GOSR2: variants seen among roughly 807,000 people sequenced by gnomAD.
The protein encoded by GOSR2 is golgi SNAP receptor complex member 2, also known as 27 kDa Golgi SNARE protein.
In GOSR2, 20 loss-of-function variants were observed where a neutral mutation model predicts 27.9. The observed-to-expected ratio is 0.72, with a 90% confidence interval of 0.50 to 1.04. GOSR2 has a LOEUF of 1.04. Ranked by LOEUF, GOSR2 falls within the 50% of genes least tolerant of loss-of-function variation. GOSR2 has a pLI of 0.00. For missense variants in GOSR2, 261 were observed against 270.5 expected, an observed-to-expected ratio of 0.97 and a Z score of 0.25; for synonymous variants, 91 against 98.8, an observed-to-expected ratio of 0.92 and a Z score of 0.47.
chr17:46,946,577 G>T (rs547530618), downstream of GOSR2, among the ~76,000 whole-genome samples: 1 of 151,036 alleles, frequency 6.6e-6, no homozygotes, highest in African/African-American at 2.4e-5. Context: ...TAATAATTAT[G>T]AGAGGCCAGG....
At chr17:46,947,874 C>T (rs2003538) in intron 6 of GOSR2, among the ~76,000 whole-genome samples, 72,096 of 152,028 alleles carry the variant, frequency 0.47, 17,188 homozygotes, top group Middle Eastern at 0.56. Context: ...GTTCAAGCGA[C>T]TCTCCTGCCT....
chr17:46,973,586 C>T (rs573753909), intron 6 of GOSR2, among the ~76,000 whole-genome samples: 1 of 152,282 alleles, frequency 6.6e-6, no homozygotes, highest in South Asian at 2.1e-4. Context: ...ACTATGACTG[C>T]AAGGGTGAGC....
At chr17:46,943,495 A>G (rs2089536224), downstream of GOSR2, among the ~76,000 whole-genome samples, 3 of 152,110 alleles carry the variant, frequency 2.0e-5, no homozygotes, top group South Asian at 6.2e-4. Flanking sequence ...ACACCCCCAC[A>G]ATCCCATGAA....
chr17:46,930,670 A>AT, intron 2 of GOSR2: 1 of 23,454 alleles, frequency 4.3e-5, no homozygotes, highest in Admixed American at 4.9e-4. Context: ...TTTTAAATAA[A>AT]AAAAAAAAAA....
chr17:46,962,220 T>A (rs2091098969), intron 6 of GOSR2, among the ~76,000 whole-genome samples: 3 of 151,616 alleles, frequency 2.0e-5, no homozygotes, highest in African/African-American at 4.9e-5. Flanking sequence ...TCCTAGCTAC[T>A]CAGGAGGCTG....
intron 6 of GOSR2, chr17:46,963,851 C>G (rs1471396779): frequency 6.6e-6 from 1 of 152,134 alleles, no homozygotes; most frequent in Non-Finnish European, 1.5e-5. Context: ...GCATCTTGCT[C>G]TGTTGCCCAG....
downstream of GOSR2, among the ~76,000 whole-genome samples, chr17:46,942,370 T>C (rs1270007657): frequency 1.3e-5 from 2 of 152,206 alleles, no homozygotes; most frequent in Non-Finnish European, 2.9e-5. Flanking sequence ...ACTTATGTTC[T>C]CCATCATTTA....
rs758382894 is a variant in GOSR2, at chr17:46,932,297, G to A, written c.336+98G>A. The A allele has an allele frequency of 2.9e-6, 4 of 1,401,238 alleles. No homozygotes were observed. In the South Asian group the frequency reaches 3.5e-5, roughly 12 times the overall value. The allele number at this position is 1,401,238 out of a possible 1,614,324, so 86.8% of individuals were successfully genotyped here. Reference sequence around the variant, plus strand: ...GCCATCTGTTTTGGGGGTGTCTGAAGAAGACTGATGATGAGGAAACCAACT... The same window carrying A: ...GCCATCTGTTTTGGGGGTGTCTGAAAAAGACTGATGATGAGGAAACCAACT... On this transcript the variant is annotated intron_variant, in intron 4 of 5. Coordinates refer to ENST00000640051, the MANE Select transcript of GOSR2 (RefSeq NM_004287.5).
In GOSR2 at chr17:46,932,047, T is replaced by A; in HGVS notation, c.204-20T>A. The A allele has an allele frequency of 1.2e-6, 2 of 1,611,534 alleles. No individual in the cohort carries two copies. The highest frequency in any genetic ancestry group is 2.7e-5 in the African/African-American group (2 of 74,964). On this transcript the variant is annotated intron_variant, in intron 3 of 5. Transcript: ENST00000640051. Reference sequence around the variant, plus strand: ...TGCCCTGAGTTCCTGGAATTTAATCTCTCTCTCCATCAATTCCAGTCGGGT... The same window carrying A: ...TGCCCTGAGTTCCTGGAATTTAATCACTCTCTCCATCAATTCCAGTCGGGT...
chr17:46,930,969 T>C, intron 2 of GOSR2, 130 bp from the exon 3 acceptor site: 1 of 682,002 alleles, frequency 1.5e-6, no homozygotes, highest in Non-Finnish European at 2.7e-6. Flanking sequence ...CATTAGTGTA[T>C]ACATTTTTCT....
At chr17:46,943,633 G>C (rs906366809), downstream of GOSR2, among the ~76,000 whole-genome samples, 1 of 152,152 alleles carries the variant, frequency 6.6e-6, no homozygotes, top group South Asian at 2.1e-4. Context: ...GGCGCCATCG[G>C]GTAAGCGGCT....
intron 6 of GOSR2, among the ~76,000 whole-genome samples, chr17:46,974,987 C>CTTTTTTTTTTTTT (rs58438726): frequency 8.4e-6 from 1 of 119,060 alleles, no homozygotes; most frequent in Non-Finnish European, 1.7e-5. Context: ...TTACTATTTT[C>CTTTTTTTTTTTTT]TTTTTTTTTT....
chr17:46,974,943 AC>A (rs1237951393), intron 6 of GOSR2, among the ~76,000 whole-genome samples: 1 of 147,174 alleles, frequency 6.8e-6, no homozygotes, highest in Non-Finnish European at 1.5e-5. Flanking sequence ...TTATGAAAGT[AC>A]TCTGAAAACT....
downstream of GOSR2, among the ~76,000 whole-genome samples, chr17:46,945,724 T>C (rs1418527886): frequency 6.6e-6 from 1 of 151,960 alleles, no homozygotes; most frequent in African/African-American, 2.4e-5. Context: ...CCTCTAAGAG[T>C]TTCTTGTGCC....
At chr17:46,953,275 C>T (rs1209882611) in intron 6 of GOSR2, among the ~76,000 whole-genome samples, 2 of 151,984 alleles carry the variant, frequency 1.3e-5, no homozygotes, top group South Asian at 2.1e-4. Flanking sequence ...TCAATTCCCA[C>T]CTATGAGTGA....
Position 46,932,319 on chromosome 17 carries a change from A to G in GOSR2, c.336+120A>G, listed in dbSNP as rs745587756. ...GAAGAAGACTGATGATGAGGAAACC[A>G]ACTGGAAATGACAGGAACTTTGTGC... On this transcript the variant is annotated intron_variant, in intron 4 of 5. Coordinates refer to ENST00000640051, the MANE Select transcript of GOSR2 (RefSeq NM_004287.5). 2.6e-6 allele frequency: 3 copies of G among 1,164,156 alleles called. No homozygotes were observed. In the Admixed American group the frequency reaches 5.3e-5, roughly 20 times the overall value. The allele number at this position is 1,164,156 out of a possible 1,614,324, so 72.1% of individuals were successfully genotyped here. A position where few individuals can be genotyped will look rare whatever the true frequency, so the allele number is the denominator to read the frequency against.
At chr17:46,923,350 A>G (rs2146697017) in intron 1 of GOSR2, 129 bp downstream of exon 1, 1 of 1,518,174 alleles carries the variant, frequency 6.6e-7, no homozygotes, top group Non-Finnish European at 8.8e-7. Context: ...ACTGCTGGGG[A>G]TGCCTCCGAA....
chr17:46,944,576 A>T (rs907363537), downstream of GOSR2, among the ~76,000 whole-genome samples: 1 of 151,186 alleles, frequency 6.6e-6, no homozygotes. Flanking sequence ...TACCTGGTCT[A>T]CAGTGGGGCC....
chr17:46,936,431 G>A (rs1479942020), intron 5 of GOSR2: 2 of 985,288 alleles, frequency 2.0e-6, no homozygotes, highest in African/African-American at 1.7e-5. Flanking sequence ...AAGGCTGTGA[G>A]GTGGCTGGGG....
Sources: allele counts gnomAD v4.1 joint callset (sites outside exome capture counted in the v4.1 genomes callset), GRCh38; gene constraint gnomAD v4.1.1; transcripts MANE v1.5; gene names NCBI Gene and HGNC (gene_info 2026-07-23, HGNC 2026-07-21).